BMPR2: variants seen among roughly 807,000 people sequenced by gnomAD.
The protein encoded by BMPR2 is bone morphogenetic protein receptor type-2.
A neutral mutation model predicts 100.8 loss-of-function variants in BMPR2; 29 were observed. The ratio of observed to expected loss-of-function variants is 0.29; its 90% CI spans 0.21 to 0.39. The LOEUF is 0.39. Ranked by LOEUF, BMPR2 falls within the 10% of genes least tolerant of loss-of-function variation. The pLI is 1.00. For synonymous variants in BMPR2, 382 were observed against 442.3 expected (o/e 0.86, Z 1.71); for missense variants, 1,011 against 1,274.5 (o/e 0.79, Z 3.15).
chr2:202,402,676 A>G (rs1233726421), intron 1 of BMPR2, among the ~76,000 whole-genome samples: 2 of 122,512 alleles, frequency 1.6e-5, no homozygotes, highest in African/African-American at 3.4e-5. Flanking sequence ...GTGTGTGTGT[A>G]TTTTTTTTGA....
intron 3 of BMPR2, among the ~76,000 whole-genome samples, chr2:202,478,079 G>A (rs1692586119): frequency 1.3e-5 from 2 of 152,158 alleles, no homozygotes; most frequent in Non-Finnish European, 2.9e-5. Flanking sequence ...GGTTGAAGAA[G>A]GCTATGCTCT....
chr2:202,385,427 G>A (rs890559169), intron 1 of BMPR2, among the ~76,000 whole-genome samples: 1 of 139,104 alleles, frequency 7.2e-6, no homozygotes, highest in African/African-American at 2.7e-5. Flanking sequence ...GTACAGTGGC[G>A]TGATCTCGGC....
At chr2:202,484,555 C>G (rs1286394098) in intron 3 of BMPR2, among the ~76,000 whole-genome samples, 1 of 151,814 alleles carries the variant, frequency 6.6e-6, no homozygotes, top group East Asian at 1.9e-4. Context: ...CGCCTGTAGT[C>G]CCAGCTGCTG....
chr2:202,525,276 A>G (rs1687889233), intron 7 of BMPR2, among the ~76,000 whole-genome samples: 2 of 151,968 alleles, frequency 1.3e-5, no homozygotes, highest in South Asian at 4.1e-4. Context: ...CAATGGCGCA[A>G]TCTCAGTTCA....
intron 1 of BMPR2, among the ~76,000 whole-genome samples, chr2:202,455,266 G>A (rs546580675): frequency 6.6e-6 from 1 of 152,292 alleles, no homozygotes; most frequent in East Asian, 1.9e-4. Flanking sequence ...CAAATAAGGT[G>A]ACTGAGAGTG....
chr2:202,481,769 T>C (rs1361131046), intron 3 of BMPR2, among the ~76,000 whole-genome samples: 2 of 152,210 alleles, frequency 1.3e-5, no homozygotes, highest in East Asian at 3.9e-4. Flanking sequence ...CAGTGTTTTC[T>C]GTCTTAGTCA....
At chr2:202,497,354 T>G (rs562082740) in intron 3 of BMPR2, among the ~76,000 whole-genome samples, 1 of 152,364 alleles carries the variant, frequency 6.6e-6, no homozygotes, top group African/African-American at 2.4e-5. Flanking sequence ...CGCTTGCTAT[T>G]CTGTCCTGTC....
At chr2:202,448,719 G>T (rs573390765) in intron 1 of BMPR2, among the ~76,000 whole-genome samples, 1 of 151,708 alleles carries the variant, frequency 6.6e-6, no homozygotes, top group Admixed American at 6.6e-5. Context: ...GCCTCCCAAA[G>T]TGCTGAGATT....
At chr2:202,478,084 T>C (rs1692586199) in intron 3 of BMPR2, among the ~76,000 whole-genome samples, 1 of 152,226 alleles carries the variant, frequency 6.6e-6, no homozygotes, top group African/African-American at 2.4e-5. Context: ...AAGAAGGCTA[T>C]GCTCTGCCTT....
chr2:202,556,628 T>A, intron 12 of BMPR2, 97 bp downstream of exon 12: 2 of 1,376,838 alleles, frequency 1.5e-6, no homozygotes, highest in Non-Finnish European at 2.0e-6. Context: ...AACTAGTGAT[T>A]ATTTACCTTT....
At chr2:202,414,980 C>T (rs2105919659) in intron 1 of BMPR2, among the ~76,000 whole-genome samples, 1 of 152,124 alleles carries the variant, frequency 6.6e-6, no homozygotes, top group South Asian at 2.1e-4. Flanking sequence ...GATCCGCTTC[C>T]CTTGGCCTCC....
At chr2:202,485,484 TC>T (rs1204890429) in intron 3 of BMPR2, among the ~76,000 whole-genome samples, 1 of 150,812 alleles carries the variant, frequency 6.6e-6, no homozygotes, top group Admixed American at 6.6e-5. Flanking sequence ...AATTCTAATC[TC>T]TGCTTCTGCC....
chr2:202,536,074 G>A (rs1233404615), intron 9 of BMPR2, among the ~76,000 whole-genome samples: 4 of 152,062 alleles, frequency 2.6e-5, no homozygotes, highest in Non-Finnish European at 5.9e-5. Context: ...GAAAGAGAGG[G>A]AGAGGGAGAC....
chr2:202,515,684 G>C (rs1687699833), intron 5 of BMPR2, among the ~76,000 whole-genome samples: 1 of 152,090 alleles, frequency 6.6e-6, no homozygotes, highest in African/African-American at 2.4e-5. Flanking sequence ...GAGGTCAGGA[G>C]TTCAAGACCA....
Position 202,561,449 on chromosome 2 carries a change from G to A in BMPR2, c.*1503G>A, listed in dbSNP as rs965410750. 1.3e-5 allele frequency: 2 copies of A among 151,618 alleles called. No individual in the cohort carries two copies. Among genetic ancestry groups the A allele is most frequent in the South Asian group, 4.2e-4 (2 of 4,818 alleles). 9.4% of individuals were successfully genotyped at this position (151,618 alleles called of 1,614,324 possible). ...TATAATCTCCTCTAAAACAACCTCT[G>A]CATGTTTTTTTTAAATAAAGCACTT... On this transcript the variant is annotated 3_prime_UTR_variant, in exon 13 of 13. Transcript: ENST00000374580.
At chr2:202,552,122 G>A (rs1266373006) in intron 10 of BMPR2, among the ~76,000 whole-genome samples, 2 of 152,074 alleles carry the variant, frequency 1.3e-5, no homozygotes, top group Non-Finnish European at 2.9e-5. Flanking sequence ...CAAAGTGCTG[G>A]GATTACAGGT....
chr2:202,429,708 G>GGAGGCC (rs1368109934), intron 1 of BMPR2, among the ~76,000 whole-genome samples: 1 of 152,092 alleles, frequency 6.6e-6, no homozygotes, highest in Non-Finnish European at 1.5e-5. Context: ...ACATGACTGG[G>GGAGGCC]GAGGCCTCAG....
intron 1 of BMPR2, among the ~76,000 whole-genome samples, chr2:202,390,980 C>CTT (rs11459505): frequency 0.052 from 2,725 of 51,940 alleles, 790 homozygotes; most frequent in African/African-American, 0.14. Flanking sequence ...AGTAAGTAGT[C>CTT]TTTTTTTTTT....
rs767908272 is a variant in BMPR2 at position 202,518,853 on chromosome 2, A to C, written c.653A>C (p.Tyr218Ser). 6.2e-7 allele frequency: 1 copy of C among 1,614,246 alleles called. No individual in the cohort carries two copies. Among genetic ancestry groups the C allele is most frequent in the Non-Finnish European group, 8.5e-7 (1 of 1,180,046 alleles). ...GGCCGAGGTCGATATGGAGCAGTAT[A>C]TAAAGGCTCCTTGGATGAGCGTCCA... is the stretch of plus-strand genomic sequence containing the variant. Reference protein sequence around the residue: ...LIGRGRYGAVYKGSLDERPVA... With the variant: ...LIGRGRYGAVSKGSLDERPVA... Residue 218 changes from tyrosine to serine, a missense_variant, in exon 6 of 13, where the codon TAT becomes TCT. By Grantham distance (144) the Tyr-to-Ser change is moderately radical (BLOSUM62 -2). This residue lies in a region of BMPR2 where 355 missense variants were observed against 455.3 expected (regional missense o/e 0.78). Coordinates refer to ENST00000374580, the MANE Select transcript of BMPR2 (RefSeq NM_001204.7).
Sources: allele counts gnomAD v4.1 joint callset (sites outside exome capture counted in the v4.1 genomes callset), GRCh38; gene constraint gnomAD v4.1.1; regional missense constraint gnomAD v4.1.1; transcripts MANE v1.5; gene names NCBI Gene and HGNC (gene_info 2026-07-23, HGNC 2026-07-21).